Variants in DDTL observed in about 807,000 individuals in gnomAD.
DDTL encodes putative D-dopachrome decarboxylase-like protein.
Under a neutral mutation model 1.1 loss-of-function variants are expected in DDTL, and 1 was observed. That is an observed-to-expected ratio of 0.91 (90% CI 0.32 to 4.31). DDTL has a LOEUF of 4.31. DDTL is among the 30% of genes most tolerant of loss of function. DDTL has a pLI of 0.17. For missense variants in DDTL, 54 were observed against 48.9 expected (o/e 1.10, Z -0.31); for synonymous variants, 21 against 16.6 (o/e 1.26, Z -0.64).
rs1389449149 is a variant in DDTL at position 23,971,488 on chromosome 22, G to A, written c.*82G>A. The A allele has an allele frequency of 3.1e-6, 5 of 1,608,942 alleles. No individual in the cohort carries two copies. The African/African-American group carries it at 5.4e-5, about 17-fold the overall frequency. ...CTGGTTATCTCCAGGCCCTCACTCT[G>A]CCAAGAGATCTCTCTGGAAGAAGCA... On this transcript the variant is annotated 3_prime_UTR_variant, in exon 3 of 3. Transcript: ENST00000215770.
rs2033916179 is a variant in DDTL at position 23,972,038 on chromosome 22, A to G, written c.*632A>G. ...CAACCCCGCCACTAATGTCTGGGCCATAAGTGAACATGCCCCTCTCAGAGG... is the reference window on the plus strand; with the variant it reads ...CAACCCCGCCACTAATGTCTGGGCCGTAAGTGAACATGCCCCTCTCAGAGG... On this transcript the variant is annotated 3_prime_UTR_variant, in exon 3 of 3. Transcript: ENST00000215770. 4 of 393,222 alleles carry G rather than the reference A, an allele frequency of 1.0e-5. No individual in the cohort carries two copies. The highest frequency in any genetic ancestry group is 6.2e-5 in the Admixed American group (1 of 16,088). The allele number at this position is 393,222 out of a possible 1,614,324, so 24.4% of individuals were successfully genotyped here.
chr22:23,970,474 G>A (rs960173083), intron 2 of DDTL, among the ~76,000 whole-genome samples: 1 of 152,020 alleles, frequency 6.6e-6, no homozygotes, highest in Non-Finnish European at 1.5e-5. Context: ...GTGTGTGAGT[G>A]AACTGTGTGA....
In DDTL at chr22:23,972,262, A is replaced by G. The variant is rs2146210638; in HGVS notation, c.*856A>G. The G allele has an allele frequency of 1.0e-6, 1 of 956,882 alleles. No homozygotes were observed. The highest frequency in any genetic ancestry group is 1.2e-6 in the Non-Finnish European group (1 of 805,818). The allele number at this position is 956,882 out of a possible 1,614,324, so 59.3% of individuals were successfully genotyped here. ...TCAAATGGGATCATGAGTGTAAAGTACCTGTAGAGGACCTAGCACATGGTA... is the reference window on the plus strand; with the variant it reads ...TCAAATGGGATCATGAGTGTAAAGTGCCTGTAGAGGACCTAGCACATGGTA... On this transcript the variant is annotated 3_prime_UTR_variant, in exon 3 of 3. Transcript: ENST00000215770.
intron 2 of DDTL, chr22:23,969,500 C>T (rs1473684042): frequency 1.8e-5 from 18 of 985,726 alleles, no homozygotes; most frequent in Non-Finnish European, 2.2e-5. Flanking sequence ...TGATGTGCAG[C>T]CACCATTCCA....
chr22:23,971,634 C>A lies in DDTL; in HGVS notation c.*228C>A. 6.2e-7 allele frequency: 1 copy of A among 1,601,784 alleles called. No individual in the cohort carries two copies. Among genetic ancestry groups the A allele is most frequent in the Non-Finnish European group, 8.6e-7 (1 of 1,169,576 alleles). On this transcript the variant is annotated 3_prime_UTR_variant, in exon 3 of 3. Transcript: ENST00000215770. ...AAGCGGATAAGTATCCTTCAGGAGA[C>A]AGAGAAAAAGATATCATCAGCTCCT... is the stretch of plus-strand genomic sequence containing the variant.
In DDTL at chr22:23,972,074, T is replaced by C. The variant is rs2033917283; in HGVS notation, c.*668T>C. ...TGCCCCTCTCAGAGGTAACAGCAAG[T>C]TTCCAGTGAGGAAAACCAGAACTTG... On this transcript the variant is annotated 3_prime_UTR_variant, in exon 3 of 3. Coordinates refer to ENST00000215770, the MANE Select transcript of DDTL (RefSeq NM_001084393.2). 1 of 719,356 alleles carries C rather than the reference T, an allele frequency of 1.4e-6. No homozygotes were observed. Among genetic ancestry groups the C allele is most frequent in the South Asian group, 6.3e-5 (1 of 15,854 alleles). The allele number at this position is 719,356 out of a possible 1,614,324, so 44.6% of individuals were successfully genotyped here.
At chr22:23,970,619 G>A (rs1012726616) in intron 2 of DDTL, among the ~76,000 whole-genome samples, 23 of 152,102 alleles carry the variant, frequency 1.5e-4, no homozygotes, top group African/African-American at 5.3e-4. Flanking sequence ...GTATATGTGT[G>A]TGTACATGAG....
At chr22:23,970,564 G>C (rs1208769606) in intron 2 of DDTL, among the ~76,000 whole-genome samples, 1 of 150,314 alleles carries the variant, frequency 6.7e-6, no homozygotes, top group African/African-American at 2.4e-5. Context: ...GTGTGAATTT[G>C]AGTTGTGTGA....
intron 2 of DDTL, chr22:23,969,448 A>G (rs2033859957): frequency 1.0e-6 from 1 of 986,312 alleles, no homozygotes; most frequent in Non-Finnish European, 1.2e-6. Context: ...AGCACACACG[A>G]TGAGGCTACT....
chr22:23,969,841 C>A, intron 2 of DDTL: 1 of 985,924 alleles, frequency 1.0e-6, no homozygotes, highest in Non-Finnish European at 1.2e-6. Context: ...TTGCTTTCAA[C>A]AGACACTCCA....
At chr22:23,970,089 G>A (rs1393929461) in intron 2 of DDTL, among the ~76,000 whole-genome samples, 1 of 152,156 alleles carries the variant, frequency 6.6e-6, no homozygotes, top group East Asian at 1.9e-4. Flanking sequence ...TAGTGCTGGA[G>A]GCATGAAGAT....
chr22:23,970,802 C>T (rs1435640211), intron 2 of DDTL, among the ~76,000 whole-genome samples: 1 of 152,146 alleles, frequency 6.6e-6, no homozygotes, highest in African/African-American at 2.4e-5. Context: ...TTCATCCCCC[C>T]AGCTGTCCTC....
Position 23,972,553 on chromosome 22 carries a change from T to A in DDTL, c.*1147T>A. On this transcript the variant is annotated 3_prime_UTR_variant, in exon 3 of 3. Coordinates refer to ENST00000215770, the MANE Select transcript of DDTL (RefSeq NM_001084393.2). The stretch of plus-strand genomic sequence containing the variant: ...ACAAGGAATAAAGTCTATACGTATT[T>A]TCAGTATAGATGCAATTATCAATTT... 1 of 1,012,128 alleles carries A rather than the reference T, an allele frequency of 9.9e-7. No homozygotes were observed. The highest frequency in any genetic ancestry group is 1.2e-6 in the Non-Finnish European group (1 of 836,852). The allele number at this position is 1,012,128 out of a possible 1,614,324, so 62.7% of individuals were successfully genotyped here.
intron 2 of DDTL, chr22:23,969,539 G>C: frequency 1.0e-6 from 1 of 985,544 alleles, no homozygotes; most frequent in Non-Finnish European, 1.2e-6. Flanking sequence ...CCCTGCTGGG[G>C]GTTGGGGAAT....
chr22:23,971,726 C>A lies in DDTL; in HGVS notation c.*320C>A. On this transcript the variant is annotated 3_prime_UTR_variant, in exon 3 of 3. Coordinates refer to ENST00000215770, the MANE Select transcript of DDTL (RefSeq NM_001084393.2). ...CACTGTGGGTACTCAGGACAGCCTGCCTCAGTCCACCAGGCATTTTGCAAA... is the reference window on the plus strand; with the variant it reads ...CACTGTGGGTACTCAGGACAGCCTGACTCAGTCCACCAGGCATTTTGCAAA... 2 of 1,026,104 alleles carry A rather than the reference C, an allele frequency of 1.9e-6. No individual in the cohort carries two copies. The highest frequency in any genetic ancestry group is 1.6e-5 in the South Asian group (1 of 63,752). The allele number at this position is 1,026,104 out of a possible 1,614,324, so 63.6% of individuals were successfully genotyped here. A position where few individuals can be genotyped will look rare whatever the true frequency, so the allele number is the denominator to read the frequency against.
intron 2 of DDTL, among the ~76,000 whole-genome samples, chr22:23,970,403 TAAGTG>T (rs2033879641): frequency 6.6e-6 from 1 of 152,110 alleles, no homozygotes; most frequent in South Asian, 2.1e-4. Flanking sequence ...TGTGGGTGGA[TAAGTG>T]AATTGTGATT....
intron 2 of DDTL, among the ~76,000 whole-genome samples, chr22:23,970,187 G>A (rs1418797658): frequency 6.6e-6 from 1 of 152,188 alleles, no homozygotes; most frequent in Non-Finnish European, 1.5e-5. Context: ...AAGGGAACTA[G>A]CAAGGTGAGG....
At chr22:23,969,923 G>A (rs2033867986) in intron 2 of DDTL, 14 of 929,386 alleles carry the variant, frequency 1.5e-5, no homozygotes, top group Non-Finnish European at 1.8e-5. Context: ...GTAAGTCTGG[G>A]AGAGCGACCT....
chr22:23,970,358 A>C (rs915900788), intron 2 of DDTL, among the ~76,000 whole-genome samples: 2 of 151,822 alleles, frequency 1.3e-5, no homozygotes, highest in African/African-American at 4.8e-5. Context: ...ATTTTAGTGA[A>C]TTGTGTGTAA....
Sources: gnomAD v4.1 joint callset for allele counts (sites outside exome capture counted in the v4.1 genomes callset) on GRCh38, gnomAD v4.1.1 for gene constraint, MANE v1.5 for transcripts, NCBI Gene and HGNC (gene_info 2026-07-23, HGNC 2026-07-21) for gene names.